PCDHGA6: variants seen among roughly 807,000 people sequenced by gnomAD.
PCDHGA6 encodes protocadherin gamma-A6.
In PCDHGA6, 41 loss-of-function variants were observed where a neutral mutation model predicts 60.6. That is an observed-to-expected ratio of 0.68 (90% CI 0.53 to 0.88). PCDHGA6 has a LOEUF of 0.88. Among genes scored for constraint, PCDHGA6 ranks in the 40% least tolerant of loss-of-function variants. The probability of loss-of-function intolerance (pLI) is 0.00; values close to 1 mark genes in which losing one functional copy is unlikely to be tolerated. For missense variants in PCDHGA6, 1,312 were observed against 1,203.0 expected, an observed-to-expected ratio of 1.09 and a Z score of -1.34; for synonymous variants, 594 against 524.4, an observed-to-expected ratio of 1.13 and a Z score of -1.81.
chr5:141,392,892 G>C, intron 1 of PCDHGA6: 1 of 1,613,702 alleles, frequency 6.2e-7, no homozygotes, highest in East Asian at 2.2e-5. Flanking sequence ...GTGGGAAATC[G>C]GGAGGGGACA....
chr5:141,422,519 C>G, intron 1 of PCDHGA6: 1 of 1,613,968 alleles, frequency 6.2e-7, no homozygotes, highest in Non-Finnish European at 8.5e-7. Flanking sequence ...CAGGGAAGCC[C>G]GCCTTTGTCT....
intron 1 of PCDHGA6, among the ~76,000 whole-genome samples, chr5:141,433,752 G>A (rs975941520): frequency 6.6e-6 from 1 of 151,206 alleles, no homozygotes; most frequent in Non-Finnish European, 1.5e-5. Context: ...CAGGAGAATT[G>A]CTTTAACCTG....
intron 1 of PCDHGA6, chr5:141,410,024 G>A (rs771946302): frequency 1.9e-6 from 3 of 1,613,164 alleles, no homozygotes; most frequent in South Asian, 1.1e-5. Context: ...GTCCTACCAC[G>A]TGCTGCAGGC....
Position 141,444,149 on chromosome 5 carries a change from T to C in PCDHGA6, c.2425-50658T>C, listed in dbSNP as rs180678850. On this transcript the variant is annotated intron_variant, in intron 1 of 3. Transcript: ENST00000517434. ...ACAGATATGTGTCACTTGTGTGTAC[T>C]GGATTTTTTTTTTTTTTTTTTTTTT... Among the ~76,000 whole-genome samples, 383 of 136,820 alleles carry C rather than the reference T, an allele frequency of 2.8e-3. 2 individuals carry two copies. Among genetic ancestry groups the C allele is most frequent in the Middle Eastern group, 0.012 (3 of 252 alleles). 89.8% of individuals were successfully genotyped at this position (136,820 alleles called of 152,430 possible). A position where few individuals can be genotyped will look rare whatever the true frequency, so the allele number is the denominator to read the frequency against.
intron 3 of PCDHGA6, among the ~76,000 whole-genome samples, chr5:141,509,732 C>T (rs931066969): frequency 3.9e-5 from 6 of 152,182 alleles, no homozygotes; most frequent in Non-Finnish European, 5.9e-5. Flanking sequence ...CTAGCTGTGG[C>T]ACTCTGAGCC....
chr5:141,477,296 G>C lies in PCDHGA6; in HGVS notation c.2425-17511G>C. On this transcript the variant is annotated intron_variant, in intron 1 of 3. Transcript: ENST00000517434. This position sits in a 1 kb window ranked among gnomAD's most constrained non-coding sequence, Gnocchi z 4.9. ...GCTGGTGACCTGCGAAGTTCCACCG[G>C]GTCTCCCTTTCAGCCTTACTTCTTC... 3 of 1,614,064 alleles carry C rather than the reference G, an allele frequency of 1.9e-6. No individual in the cohort carries two copies. Among genetic ancestry groups the C allele is most frequent in the African/African-American group, 1.3e-5 (1 of 75,014 alleles).
At chr5:141,422,053 G>A in intron 1 of PCDHGA6, 1 of 1,611,606 alleles carries the variant, frequency 6.2e-7, no homozygotes, top group Non-Finnish European at 8.5e-7. Context: ...GGGAATCAAC[G>A]GGGAAGTAAT....
rs746309479 is a variant in PCDHGA6, at chr5:141,389,523, C to T, written c.2424+13016C>T. 36 of 1,613,164 alleles carry T rather than the reference C, an allele frequency of 2.2e-5. No homozygotes were observed. Among genetic ancestry groups the T allele is most frequent in the East Asian group, 4.5e-5 (2 of 44,878 alleles). On this transcript the variant is annotated intron_variant, in intron 1 of 3. Coordinates refer to ENST00000517434, the MANE Select transcript of PCDHGA6 (RefSeq NM_018919.3). ...AGCGCTCAGCGCGAACGTGAGCCTG[C>T]GCGTGTTAGTGGACGACCGCAACGA...
At chr5:141,386,590 G>A (rs1589020136) in intron 1 of PCDHGA6, among the ~76,000 whole-genome samples, 1 of 151,604 alleles carries the variant, frequency 6.6e-6, no homozygotes, top group Non-Finnish European at 1.5e-5. Context: ...TAGTGTGGGG[G>A]ATACATTTTT....
In PCDHGA6 at chr5:141,493,026, C is replaced by T. The variant is rs73280358; in HGVS notation, c.2425-1781C>T. 6.6e-6 allele frequency among the ~76,000 whole-genome samples: 1 copy of T among 152,190 alleles called. No individual in the cohort carries two copies. The highest frequency in any genetic ancestry group is 1.5e-5 in the Non-Finnish European group (1 of 68,034). Reference sequence around the variant, plus strand: ...TAGGCTCTGCCAGATGCCAGGGTGCCCTTATGTGTGAGGAAACTACAATAG... The same window carrying T: ...TAGGCTCTGCCAGATGCCAGGGTGCTCTTATGTGTGAGGAAACTACAATAG... On this transcript the variant is annotated intron_variant, in intron 1 of 3. Coordinates refer to ENST00000517434, the MANE Select transcript of PCDHGA6 (RefSeq NM_018919.3). This position sits in a 1 kb window ranked among gnomAD's most constrained non-coding sequence, Gnocchi z 4.3.
Position 141,376,198 on chromosome 5 carries a change from G to A in PCDHGA6, c.2115G>A (p.Leu705=), listed in dbSNP as rs1772399318. The A allele has an allele frequency of 6.2e-7, 1 of 1,614,072 alleles. No individual in the cohort carries two copies. Among genetic ancestry groups the A allele is most frequent in the South Asian group, 1.1e-5 (1 of 91,080 alleles). The part of the protein sequence containing the change: ...VAVAAVSCVF[L]AFVIVLLALR... ...TGGCCGCGGTCTCCTGCGTCTTCCT[G>A]GCCTTCGTCATCGTGCTGCTGGCGC... is the stretch of plus-strand genomic sequence containing the variant. The change falls in exon 1 of 4, where the codon CTG becomes CTA. Residue 705 remains leucine, a synonymous_variant. Transcript: ENST00000517434.
In PCDHGA6 at chr5:141,408,415, G is replaced by A. The variant is rs554066897; in HGVS notation, c.2424+31908G>A. The A allele has an allele frequency of 1.8e-5, 29 of 1,614,074 alleles. 1 individual carries two copies. In the South Asian group the frequency reaches 2.9e-4, roughly 16 times the overall value. On this transcript the variant is annotated intron_variant, in intron 1 of 3. Coordinates refer to ENST00000517434, the MANE Select transcript of PCDHGA6 (RefSeq NM_018919.3). Reference sequence around the variant, plus strand: ...CTCGCAAGCTGCGAGTGAGCGCGGAGAAGCTGCACTTCAGCGTAGACGCGG... The same window carrying A: ...CTCGCAAGCTGCGAGTGAGCGCGGAAAAGCTGCACTTCAGCGTAGACGCGG...
chr5:141,453,101 T>TTTTTGTTTTG (rs879618609), intron 1 of PCDHGA6, among the ~76,000 whole-genome samples: 1 of 152,012 alleles, frequency 6.6e-6, no homozygotes, highest in Non-Finnish European at 1.5e-5. Flanking sequence ...TTCTGTTGCT[T>TTTTTGTTTTG]TTTTGTTTTG....
At chr5:141,415,394 C>A (rs893251079) in intron 1 of PCDHGA6, 29 of 1,614,110 alleles carry the variant, frequency 1.8e-5, no homozygotes, top group Non-Finnish European at 2.3e-5. Context: ...ACAGGTGTGT[C>A]CGGCTCGCAC....
In PCDHGA6 at chr5:141,490,506, C is replaced by T. The variant is rs967095367; in HGVS notation, c.2425-4301C>T. ...GGGAGGCCACATCCCACTATATCAT[C>T]GAGCTGCTGGCCAGCGATGCTGGTT... is the stretch of plus-strand genomic sequence containing the variant. On this transcript the variant is annotated intron_variant, in intron 1 of 3. Transcript: ENST00000517434. This position sits in a 1 kb window ranked among gnomAD's most constrained non-coding sequence, Gnocchi z 5.4. The T allele has an allele frequency of 1.2e-5, 19 of 1,614,116 alleles. No homozygotes were observed. The highest frequency in any genetic ancestry group is 2.2e-5 in the South Asian group (2 of 91,088).
chr5:141,409,452 A>T, intron 1 of PCDHGA6: 1 of 1,613,990 alleles, frequency 6.2e-7, no homozygotes, highest in Non-Finnish European at 8.5e-7. Context: ...CAGACACCAG[A>T]ATACAATGTC....
intron 1 of PCDHGA6, chr5:141,377,207 A>T (rs1170353646): frequency 6.6e-6 from 1 of 152,122 alleles, no homozygotes; most frequent in Non-Finnish European, 1.5e-5. Context: ...GATTGAGTAC[A>T]TCTCGTTTCT....
At chr5:141,449,667 G>A (rs540415333) in intron 1 of PCDHGA6, among the ~76,000 whole-genome samples, 1 of 150,824 alleles carries the variant, frequency 6.6e-6, no homozygotes, top group South Asian at 2.1e-4. Context: ...ACACCCAAGT[G>A]TGTATGTATA....
At chr5:141,470,872 T>TTTTTTG (rs900302332) in intron 1 of PCDHGA6, among the ~76,000 whole-genome samples, 2 of 151,814 alleles carry the variant, frequency 1.3e-5, no homozygotes, top group Admixed American at 1.3e-4. Context: ...GTTTGTTTGT[T>TTTTTTG]TTTTTGTTTT....
Sources: allele counts gnomAD v4.1 joint callset (sites outside exome capture counted in the v4.1 genomes callset), GRCh38; gene constraint gnomAD v4.1.1; non-coding constraint Gnocchi (gnomAD v3.1); transcripts MANE v1.5; gene names NCBI Gene and HGNC (gene_info 2026-07-23, HGNC 2026-07-21).